INPP5A: variants seen among roughly 807,000 people sequenced by gnomAD.
The protein encoded by INPP5A is inositol polyphosphate-5-phosphatase A, also known as 43 kDa inositol polyphosphate 5-phophatase.
Under a neutral mutation model 65.2 loss-of-function variants are expected in INPP5A, and 14 were observed. The ratio of observed to expected loss-of-function variants is 0.21; its 90% CI spans 0.14 to 0.34. INPP5A has a LOEUF of 0.34. INPP5A is among the 10% of genes least tolerant of loss of function. The pLI is 1.00. For synonymous variants in INPP5A, 207 were observed against 208.3 expected (o/e 0.99, Z 0.05); for missense variants, 431 against 545.6 (o/e 0.79, Z 2.09).
intron 3 of INPP5A, among the ~76,000 whole-genome samples, chr10:132,647,311 G>T (rs2072510783): frequency 6.6e-6 from 1 of 151,806 alleles, no homozygotes; most frequent in Non-Finnish European, 1.5e-5. Context: ...GTAGAGATGG[G>T]GTGTCACCAT....
At chr10:132,771,762 CCCCAT>C (rs1846957670) in intron 12 of INPP5A, among the ~76,000 whole-genome samples, 1 of 113,056 alleles carries the variant, frequency 8.8e-6, no homozygotes, top group South Asian at 3.5e-4. Flanking sequence ...ACAGCAGCCA[CCCCAT>C]GAAGAGTGGG....
chr10:132,727,215 C>T lies in INPP5A; in HGVS notation c.732+310C>T, dbSNP rs901263353. 8.0e-5 allele frequency: 22 copies of T among 273,300 alleles called. No individual in the cohort carries two copies. Among genetic ancestry groups the T allele is most frequent in the South Asian group, 2.9e-4 (3 of 10,484 alleles). The allele number at this position is 273,300 out of a possible 1,614,324, so 16.9% of individuals were successfully genotyped here. A position where few individuals can be genotyped will look rare whatever the true frequency, so the allele number is the denominator to read the frequency against. On this transcript the variant is annotated intron_variant, in intron 9 of 15. Coordinates refer to ENST00000368594, the MANE Select transcript of INPP5A (RefSeq NM_005539.5). This position sits in a 1 kb window ranked among gnomAD's most constrained non-coding sequence, Gnocchi z 6.5. ...GAGTGCCGTCACAGCGCCACCCCCT[C>T]GATGCCCACAGAGCTGCAGCCTCTG... is the stretch of plus-strand genomic sequence containing the variant.
At chr10:132,747,643 C>T (rs1204102538) in intron 9 of INPP5A, among the ~76,000 whole-genome samples, 1 of 152,254 alleles carries the variant, frequency 6.6e-6, no homozygotes, top group African/African-American at 2.4e-5. Flanking sequence ...AGGTGCTCCT[C>T]AGCAGCACCA....
At position 132,674,537 on chromosome 10, in the gene INPP5A, A is replaced by G. The variant is rs1048824306; in HGVS notation, c.307-15855A>G. 4.6e-5 allele frequency among the ~76,000 whole-genome samples: 7 copies of G among 152,178 alleles called. No individual in the cohort carries two copies. Among genetic ancestry groups the G allele is most frequent in the Admixed American group, 2.0e-4 (3 of 15,282 alleles). On this transcript the variant is annotated intron_variant, in intron 4 of 15. Coordinates refer to ENST00000368594, the MANE Select transcript of INPP5A (RefSeq NM_005539.5). This position sits in a 1 kb window ranked among gnomAD's most constrained non-coding sequence, Gnocchi z 4.4. ...ATCATAGGGAACTTCCCATGAGGCC[A>G]TCGGTGCAGGCTGGGGGAGAGAAGG...
intron 2 of INPP5A, among the ~76,000 whole-genome samples, chr10:132,610,971 G>A (rs1363334867): frequency 6.6e-6 from 1 of 152,224 alleles, no homozygotes; most frequent in Non-Finnish European, 1.5e-5. Flanking sequence ...AGGAGATGAG[G>A]AGTGCAGGGG....
intron 1 of INPP5A, among the ~76,000 whole-genome samples, chr10:132,596,245 T>C (rs903371713): frequency 6.6e-5 from 10 of 152,164 alleles, no homozygotes; most frequent in African/African-American, 2.4e-4. Context: ...CATGGCGGCG[T>C]GGCGGCATGG....
chr10:132,752,633 GTGTGGCATGGAGGGA>G (rs1846514492), intron 11 of INPP5A, among the ~76,000 whole-genome samples: 1 of 87,094 alleles, frequency 1.1e-5, no homozygotes. Context: ...ATGGAGTGGG[GTGTGGCATGGAGGGA>G]CACGGGGCGT....
intron 8 of INPP5A, among the ~76,000 whole-genome samples, chr10:132,726,218 C>A (rs375585523): frequency 1.3e-5 from 2 of 152,354 alleles, no homozygotes; most frequent in Admixed American, 6.5e-5. Flanking sequence ...ACGTATGCAG[C>A]CACTGTTACC....
At chr10:132,763,621 C>T (rs1332392190) in intron 11 of INPP5A, among the ~76,000 whole-genome samples, 2 of 149,710 alleles carry the variant, frequency 1.3e-5, no homozygotes, top group Non-Finnish European at 3.0e-5. Context: ...ACACACATGC[C>T]TGTGCACACA....
At chr10:132,649,469 G>A (rs1345178547) in intron 3 of INPP5A, among the ~76,000 whole-genome samples, 1 of 152,254 alleles carries the variant, frequency 6.6e-6, no homozygotes, top group Non-Finnish European at 1.5e-5. Context: ...GTTGTTTAGT[G>A]TTTGAGCCCT....
chr10:132,648,755 A>C (rs1015246908), intron 3 of INPP5A, among the ~76,000 whole-genome samples: 4 of 151,828 alleles, frequency 2.6e-5, no homozygotes, highest in African/African-American at 9.7e-5. Flanking sequence ...GTTCTCTCTT[A>C]ATTTTCTTGT....
intron 1 of INPP5A, among the ~76,000 whole-genome samples, chr10:132,590,569 T>C (rs1312982236): frequency 6.6e-6 from 1 of 152,100 alleles, no homozygotes; most frequent in African/African-American, 2.4e-5. Context: ...CCGACCACCA[T>C]GCTGGTCGCA....
chr10:132,634,522 G>A (rs1387092716), intron 2 of INPP5A, among the ~76,000 whole-genome samples: 2 of 152,250 alleles, frequency 1.3e-5, no homozygotes, highest in Non-Finnish European at 2.9e-5. Context: ...AGTGGACCAC[G>A]GAGCTTGACT....
intron 4 of INPP5A, among the ~76,000 whole-genome samples, chr10:132,653,116 G>A (rs1295841689): frequency 6.6e-6 from 1 of 152,182 alleles, no homozygotes; most frequent in Admixed American, 6.5e-5. Flanking sequence ...GCCAGAGCAG[G>A]CCTCTCCGTC....
chr10:132,623,151 A>G (rs2072129931), intron 2 of INPP5A, among the ~76,000 whole-genome samples: 1 of 152,260 alleles, frequency 6.6e-6, no homozygotes, highest in Admixed American at 6.5e-5. Context: ...TTATTCTAAA[A>G]TATACACAGG....
chr10:132,615,604 C>T (rs2072021054), intron 2 of INPP5A, among the ~76,000 whole-genome samples: 1 of 152,208 alleles, frequency 6.6e-6, no homozygotes, highest in Admixed American at 6.5e-5. Context: ...CACAGCTTTG[C>T]GGCTGCATTT....
intron 4 of INPP5A, among the ~76,000 whole-genome samples, chr10:132,688,014 G>C (rs746857038): frequency 9.9e-5 from 15 of 152,178 alleles, no homozygotes; most frequent in African/African-American, 3.4e-4. Flanking sequence ...CATGTGGCCA[G>C]CGTCCCCGGG....
chr10:132,617,035 T>G (rs991199321), intron 2 of INPP5A, among the ~76,000 whole-genome samples: 7 of 152,114 alleles, frequency 4.6e-5, no homozygotes, highest in African/African-American at 1.2e-4. Flanking sequence ...CGGCATCATG[T>G]CCCAGCCCAG....
chr10:132,749,340 C>T (rs552174325), intron 9 of INPP5A, among the ~76,000 whole-genome samples, 177 bp from the exon 10 acceptor site: 19 of 150,232 alleles, frequency 1.3e-4, no homozygotes, highest in African/African-American at 4.3e-4. Context: ...GCCCTTCGCA[C>T]GTGTGAGGGT....
Sources: allele counts gnomAD v4.1 joint callset (sites outside exome capture counted in the v4.1 genomes callset), GRCh38; gene constraint gnomAD v4.1.1; non-coding constraint Gnocchi (gnomAD v3.1); transcripts MANE v1.5; gene names NCBI Gene and HGNC (gene_info 2026-07-23, HGNC 2026-07-21).